The following DIAPH2 variants were observed in gnomAD, a reference collection of about 807,000 sequenced individuals.
DIAPH2 encodes the protein diaphanous related formin 2, also known as protein diaphanous homolog 2.
DIAPH2 carries 35 observed loss-of-function variants against 92.7 expected under a neutral mutation model. The ratio of observed to expected loss-of-function variants is 0.38; its 90% CI spans 0.29 to 0.50. The LOEUF is 0.50. Ranked by LOEUF, DIAPH2 falls within the 20% of genes least tolerant of loss-of-function variation. The probability of loss-of-function intolerance (pLI) is 0.94; values close to 1 mark genes in which losing one functional copy is unlikely to be tolerated. For synonymous variants in DIAPH2, 301 were observed against 280.4 expected, an observed-to-expected ratio of 1.07 and a Z score of -0.73; for missense variants, 701 against 819.5, an observed-to-expected ratio of 0.86 and a Z score of 1.77.
intron 26 of DIAPH2, among the ~76,000 whole-genome samples, chrX:97,476,984 T>TATATACACACAC (rs1280074551): frequency 1.8e-5 from 1 of 57,068 alleles, no homozygotes; most frequent in African/African-American, 8.6e-5. Flanking sequence ...TATATATATA[T>TATATACACACAC]ACACACACAC....
chrX:97,545,522 G>GAA (rs533114886), intron 26 of DIAPH2, among the ~76,000 whole-genome samples: 114 of 66,995 alleles, frequency 1.7e-3, no homozygotes, highest in African/African-American at 6.0e-3. Flanking sequence ...TAAGTTTGAT[G>GAA]AAAAAAAAAA....
At chrX:96,718,332 C>CTTTTTTTTTTTTT (rs1569373693) in intron 1 of DIAPH2, among the ~76,000 whole-genome samples, 1 of 6,827 alleles carries the variant, frequency 1.5e-4, no homozygotes, top group African/African-American at 6.5e-4. Flanking sequence ...ACCACATTTT[C>CTTTTTTTTTTTTT]TTTGTTTTTT....
intron 15 of DIAPH2, chrX:96,954,003 C>T (rs1326037651): frequency 8.9e-6 from 1 of 111,737 alleles, no homozygotes; most frequent in Non-Finnish European, 1.9e-5. Context: ...ATTAAAAAAA[C>T]ACCCATTGTA....
At chrX:97,214,971 C>T (rs1471974737) in intron 22 of DIAPH2, among the ~76,000 whole-genome samples, 1 of 108,884 alleles carries the variant, frequency 9.2e-6, no homozygotes, top group Middle Eastern at 4.3e-3. Context: ...ATAAGAAATG[C>T]TTAACTTAGT....
At chrX:96,790,065 T>G (rs2064488182) in intron 4 of DIAPH2, among the ~76,000 whole-genome samples, 1 of 109,342 alleles carries the variant, frequency 9.1e-6, no homozygotes, top group Non-Finnish European at 1.9e-5. Flanking sequence ...ATTTCTTTTT[T>G]GTTTTTTGTT....
At chrX:97,098,461 C>T (rs2066883825) in intron 19 of DIAPH2, among the ~76,000 whole-genome samples, 1 of 112,337 alleles carries the variant, frequency 8.9e-6, no homozygotes, top group African/African-American at 3.2e-5. Flanking sequence ...AATATTTGTT[C>T]TTTTGTATCT....
intron 4 of DIAPH2, among the ~76,000 whole-genome samples, chrX:96,771,578 C>T (rs2064339439): frequency 9.0e-6 from 1 of 111,488 alleles, no homozygotes; most frequent in African/African-American, 3.3e-5. Flanking sequence ...ATAGTCTCTA[C>T]AATATATATC....
At position 97,365,770 on chromosome X, in the gene DIAPH2, A is replaced by G. The variant is rs1229730107; in HGVS notation, c.3009+17490A>G. 3.8e-5 allele frequency among the ~76,000 whole-genome samples: 4 copies of G among 106,420 alleles called. No individual in the cohort carries two copies. The East Asian group carries it at 1.2e-3, about 32-fold the overall frequency. 92.4% of individuals were successfully genotyped at this position (106,420 alleles called of 115,157 possible). A position where few individuals can be genotyped will look rare whatever the true frequency, so the allele number is the denominator to read the frequency against. ...GTCCAGGCTGGGGTACAGTGGTACA[A>G]TCTCGGCTCACTGCAATCTCCACCT... On this transcript the variant is annotated intron_variant, in intron 24 of 26. Coordinates refer to ENST00000324765, the MANE Select transcript of DIAPH2 (RefSeq NM_006729.5).
chrX:96,732,036 T>G (rs2064058923), intron 1 of DIAPH2, among the ~76,000 whole-genome samples: 1 of 111,274 alleles, frequency 9.0e-6, no homozygotes, highest in Non-Finnish European at 1.9e-5. Context: ...TGACTTTTTT[T>G]AACTCCATAG....
chrX:97,241,923 C>T (rs2094745553), intron 22 of DIAPH2, among the ~76,000 whole-genome samples: 1 of 106,207 alleles, frequency 9.4e-6, no homozygotes, highest in African/African-American at 3.4e-5. Flanking sequence ...TTACAGGCGC[C>T]CACCACCACG....
At chrX:97,162,919 G>T (rs2067384906) in intron 22 of DIAPH2, among the ~76,000 whole-genome samples, 1 of 110,451 alleles carries the variant, frequency 9.1e-6, no homozygotes, top group South Asian at 3.9e-4. Context: ...AAATATTGTT[G>T]TTCTGATATT....
At chrX:96,764,217 T>A (rs148616076) in intron 4 of DIAPH2, among the ~76,000 whole-genome samples, 133 of 111,179 alleles carry the variant, frequency 1.2e-3, no homozygotes, top group African/African-American at 4.0e-3. Context: ...GAAGTAAGGT[T>A]GGAGTAATTA....
intron 22 of DIAPH2, among the ~76,000 whole-genome samples, chrX:97,185,423 G>GTGTA (rs1317544082): frequency 4.1e-5 from 1 of 24,386 alleles, no homozygotes; most frequent in African/African-American, 1.8e-4. Flanking sequence ...ATATATATAT[G>GTGTA]TATATATATA....
chrX:97,591,405 T>C (rs2071516127), intron 26 of DIAPH2, among the ~76,000 whole-genome samples: 1 of 112,472 alleles, frequency 8.9e-6, no homozygotes, highest in Admixed American at 9.4e-5. Flanking sequence ...ACCCTGCAGA[T>C]AGCTTATGCA....
chrX:97,084,061 G>A (rs911006312), intron 19 of DIAPH2, among the ~76,000 whole-genome samples: 1 of 107,179 alleles, frequency 9.3e-6, no homozygotes. Flanking sequence ...ATAGTGCTGA[G>A]CAATTCACTT....
At chrX:97,429,265 T>C (rs2070101862) in intron 25 of DIAPH2, among the ~76,000 whole-genome samples, 1 of 112,091 alleles carries the variant, frequency 8.9e-6, no homozygotes, top group African/African-American at 3.2e-5. Context: ...GTAACTCCGC[T>C]TCATCAAATC....
chrX:97,143,595 A>G (rs967208674), intron 22 of DIAPH2, among the ~76,000 whole-genome samples: 5 of 110,470 alleles, frequency 4.5e-5, no homozygotes, highest in African/African-American at 9.9e-5. Flanking sequence ...AGTTATATAT[A>G]TGTTATATAT....
intron 23 of DIAPH2, among the ~76,000 whole-genome samples, chrX:97,294,153 G>A (rs778415945): frequency 1.6e-4 from 18 of 111,670 alleles, no homozygotes; most frequent in South Asian, 3.8e-4. Flanking sequence ...CATGCCAGCC[G>A]TTGTTGTCCA....
chrX:97,410,310 C>A (rs779938146), intron 25 of DIAPH2, among the ~76,000 whole-genome samples: 2 of 112,069 alleles, frequency 1.8e-5, no homozygotes, highest in Non-Finnish European at 3.8e-5. Flanking sequence ...AGAGCTGCAG[C>A]TGAGGGACCT....
Sources: allele counts gnomAD v4.1 joint callset (sites outside exome capture counted in the v4.1 genomes callset), GRCh38; gene constraint gnomAD v4.1.1; transcripts MANE v1.5; gene names NCBI Gene and HGNC (gene_info 2026-07-23, HGNC 2026-07-21).